The following ARHGEF11 variants were observed in gnomAD, a reference collection of about 807,000 sequenced individuals.
ARHGEF11 encodes the protein Rho guanine exchange factor (GEF) 11.
A neutral mutation model predicts 193.7 loss-of-function variants in ARHGEF11; 55 were observed. The ratio of observed to expected loss-of-function variants is 0.28; its 90% confidence interval spans 0.23 to 0.36. The LOEUF (loss-of-function observed/expected upper bound fraction) is 0.36, where lower values mean the gene tolerates loss of function less well. Ranked by LOEUF, ARHGEF11 falls within the 10% of genes least tolerant of loss-of-function variation. The probability of loss-of-function intolerance (pLI) is 1.00; values close to 1 mark genes in which losing one functional copy is unlikely to be tolerated. For synonymous variants in ARHGEF11, 693 were observed against 768.0 expected (o/e 0.90, Z 1.62); for missense variants, 1,723 against 2,005.6 (o/e 0.86, Z 2.69).
At chr1:157,029,800 T>C (rs187380199) in intron 1 of ARHGEF11, among the ~76,000 whole-genome samples, 28 of 152,338 alleles carry the variant, frequency 1.8e-4, no homozygotes, top group African/African-American at 6.3e-4. Flanking sequence ...TACAGTGGAA[T>C]ATTATTCAAC....
Position 156,997,029 on chromosome 1 carries a change from T to C in ARHGEF11, c.33-10856A>G, listed in dbSNP as rs1030369235. Reference sequence around the variant, plus strand: ...GGTCTGCACCACTATATCTGGCTAGTTAAAAAAAATTTTTTTTTTTGTAGA... The same window carrying C: ...GGTCTGCACCACTATATCTGGCTAGCTAAAAAAAATTTTTTTTTTTGTAGA... On this transcript the variant is annotated intron_variant, in intron 1 of 40. Transcript: ENST00000368194. 1.1e-4 allele frequency among the ~76,000 whole-genome samples: 17 copies of C among 151,484 alleles called. 1 individual carries two copies. The highest frequency in any genetic ancestry group is 9.9e-4 in the Admixed American group (15 of 15,170).
At chr1:156,959,863 G>A (rs1460972936) in intron 15 of ARHGEF11, among the ~76,000 whole-genome samples, 5 of 151,536 alleles carry the variant, frequency 3.3e-5, no homozygotes, top group Admixed American at 1.3e-4. Flanking sequence ...TAGCCTGCCT[G>A]GTCCTCACTC....
At chr1:157,001,627 C>T (rs1667214893) in intron 1 of ARHGEF11, among the ~76,000 whole-genome samples, 1 of 152,224 alleles carries the variant, frequency 6.6e-6, no homozygotes, top group Non-Finnish European at 1.5e-5. Context: ...TATGCAGGCA[C>T]TTTGCAGATC....
chr1:157,020,601 G>T (rs932093686), intron 1 of ARHGEF11, among the ~76,000 whole-genome samples: 1 of 152,188 alleles, frequency 6.6e-6, no homozygotes, highest in Non-Finnish European at 1.5e-5. Flanking sequence ...TAATGCATAG[G>T]CAAGTTCCAA....
At position 156,946,916 on chromosome 1, in the gene ARHGEF11, G is replaced by T. The variant is rs144560633; in HGVS notation, c.2568+20C>A. On this transcript the variant is annotated intron_variant, in intron 27 of 40. Coordinates refer to ENST00000368194, the MANE Select transcript of ARHGEF11 (RefSeq NM_198236.3). ...CCCCCAATCTCCTCCTTGCCAAGAG[G>T]GAGAAGTTTGGAGCCATACCCGGGC... 1.3e-4 allele frequency: 206 copies of T among 1,613,828 alleles called. No homozygotes were observed. The highest frequency in any genetic ancestry group is 1.6e-4 in the Non-Finnish European group (188 of 1,180,024).
Position 156,943,919 on chromosome 1 carries a change from C to T in ARHGEF11, c.3235+16G>A, listed in dbSNP as rs764275135. ...TCCCTGAGCCCCAGGCCAGCCTGGACCATCTCCCCAGGTACCTGTGGCCAC... is the reference window on the plus strand; with the variant it reads ...TCCCTGAGCCCCAGGCCAGCCTGGATCATCTCCCCAGGTACCTGTGGCCAC... On this transcript the variant is annotated intron_variant, in intron 32 of 40. Transcript: ENST00000368194. 5 of 1,603,354 alleles carry T rather than the reference C, an allele frequency of 3.1e-6. No homozygotes were observed. In the Admixed American group the frequency reaches 5.1e-5, roughly 16 times the overall value.
intron 1 of ARHGEF11, among the ~76,000 whole-genome samples, chr1:157,042,680 A>C (rs1054366879): frequency 6.6e-6 from 1 of 152,202 alleles, no homozygotes; most frequent in Non-Finnish European, 1.5e-5. Context: ...ATTTTTATCT[A>C]TGAGGATATC....
intron 1 of ARHGEF11, among the ~76,000 whole-genome samples, chr1:157,026,840 T>C (rs2102964694): frequency 6.6e-6 from 1 of 152,366 alleles, no homozygotes; most frequent in East Asian, 1.9e-4. Flanking sequence ...ACCCACTGTC[T>C]ATCAGTGTCT....
intron 1 of ARHGEF11, among the ~76,000 whole-genome samples, chr1:157,035,162 C>A (rs185309669): frequency 2.0e-5 from 3 of 152,252 alleles, no homozygotes; most frequent in Admixed American, 6.5e-5. Flanking sequence ...AGCAAAGGAT[C>A]TGCTTTGGGA....
At chr1:156,963,489 T>C (rs1243836863) in intron 12 of ARHGEF11, 31 bp downstream of exon 12, 2 of 1,601,786 alleles carry the variant, frequency 1.2e-6, no homozygotes, top group Admixed American at 1.7e-5. Flanking sequence ...CAAAAAAAAA[T>C]GATGAAAGGA....
At chr1:157,013,607 C>G (rs975268226) in intron 1 of ARHGEF11, among the ~76,000 whole-genome samples, 5 of 152,120 alleles carry the variant, frequency 3.3e-5, no homozygotes, top group Non-Finnish European at 5.9e-5. Context: ...GGGTGTCTCT[C>G]CTTCAACCCA....
intron 1 of ARHGEF11, among the ~76,000 whole-genome samples, chr1:157,000,020 G>A (rs1184411365): frequency 1.3e-5 from 2 of 152,232 alleles, no homozygotes; most frequent in African/African-American, 2.4e-5. Context: ...CTGGAGTGCA[G>A]TGGTGCGATC....
intron 14 of ARHGEF11, among the ~76,000 whole-genome samples, chr1:156,961,261 C>T (rs1009356950): frequency 6.6e-6 from 1 of 152,230 alleles, no homozygotes; most frequent in African/African-American, 2.4e-5. Flanking sequence ...TGCCTTTGGG[C>T]AGTAATAGCA....
intron 1 of ARHGEF11, among the ~76,000 whole-genome samples, chr1:157,016,794 TTTTATTATTTA>T (rs1474396056): frequency 2.1e-4 from 20 of 97,092 alleles, no homozygotes; most frequent in African/African-American, 8.4e-4. Flanking sequence ...ATAATAGAGT[TTTTATTATTTA>T]TTTATTTATT....
At chr1:156,984,458 T>G (rs758367056) in intron 2 of ARHGEF11, 21 bp from the exon 3 acceptor site, 26 of 1,558,292 alleles carry the variant, frequency 1.7e-5, no homozygotes, top group Non-Finnish European at 2.2e-5. Context: ...GAGAGAAAGG[T>G]TGAGTACGCA....
chr1:156,970,047 A>G lies in ARHGEF11; in HGVS notation c.703-4T>C, dbSNP rs754271269. 6.2e-7 allele frequency: 1 copy of G among 1,613,918 alleles called. No homozygotes were observed. Among genetic ancestry groups the G allele is most frequent in the South Asian group, 1.1e-5 (1 of 91,068 alleles). ...CACCATATAGTGGAAGTATGTCCTG[A>G]AACAGAAAGGCCCACAGGGTGGGCA... On this transcript the variant is annotated splice_region_variant and splice_polypyrimidine_tract_variant and intron_variant, in intron 8 of 40. Coordinates refer to ENST00000368194, the MANE Select transcript of ARHGEF11 (RefSeq NM_198236.3).
chr1:157,003,967 G>C (rs1336286957), intron 1 of ARHGEF11, among the ~76,000 whole-genome samples: 1 of 152,144 alleles, frequency 6.6e-6, no homozygotes, highest in African/African-American at 2.4e-5. Flanking sequence ...CACCACCATG[G>C]GAAAAGGGGG....
chr1:156,938,328 G>A (rs1655960141), intron 38 of ARHGEF11, 90 bp downstream of exon 38: 3 of 1,235,320 alleles, frequency 2.4e-6, no homozygotes, highest in South Asian at 1.4e-5. Context: ...GTGGGTGTGT[G>A]TGTGACCATG....
intron 1 of ARHGEF11, among the ~76,000 whole-genome samples, chr1:156,996,744 T>G (rs1293550018): frequency 6.9e-5 from 8 of 115,436 alleles, no homozygotes; most frequent in Non-Finnish European, 9.8e-5. Flanking sequence ...CTGCACTCCA[T>G]CCTGGGCGAC....
Sources: allele counts gnomAD v4.1 joint callset (sites outside exome capture counted in the v4.1 genomes callset), GRCh38; gene constraint gnomAD v4.1.1; transcripts MANE v1.5; gene names NCBI Gene and HGNC (gene_info 2026-07-23, HGNC 2026-07-21).